CADPS2: variants seen among roughly 807,000 people sequenced by gnomAD.
CADPS2 encodes calcium-dependent secretion activator 2.
Under a neutral mutation model 172.5 loss-of-function variants are expected in CADPS2, and 93 were observed. The observed-to-expected ratio is 0.54, with a 90% CI of 0.46 to 0.64. CADPS2 has a LOEUF of 0.64. Among genes scored for constraint, CADPS2 ranks in the 30% least tolerant of loss-of-function variants. The probability of loss-of-function intolerance (pLI) is 0.00; values close to 1 mark genes in which losing one functional copy is unlikely to be tolerated. For missense variants in CADPS2, 1,420 were observed against 1,565.9 expected, an observed-to-expected ratio of 0.91 and a Z score of 1.57; for synonymous variants, 546 against 555.2, an observed-to-expected ratio of 0.98 and a Z score of 0.23.
chr7:122,715,159 C>T (rs1446702808), intron 2 of CADPS2, among the ~76,000 whole-genome samples: 2 of 152,124 alleles, frequency 1.3e-5, no homozygotes, highest in Admixed American at 6.6e-5. Context: ...TTTAAGTTTC[C>T]TATTCTTTGA....
chr7:122,858,642 GAAC>G (rs1302816712), intron 1 of CADPS2, among the ~76,000 whole-genome samples: 10 of 152,072 alleles, frequency 6.6e-5, no homozygotes, highest in Middle Eastern at 3.2e-3. Context: ...ATTCTCTAAA[GAAC>G]AACATCTCAG....
At chr7:122,663,685 C>G (rs974789560) in intron 2 of CADPS2, 116 bp from the exon 3 acceptor site, 4 of 725,020 alleles carry the variant, frequency 5.5e-6, no homozygotes, top group Middle Eastern at 2.5e-4. Flanking sequence ...CAGCCAAATA[C>G]TCCACAATGA....
chr7:122,642,548 CTTTTT>C (rs10717947), intron 3 of CADPS2, among the ~76,000 whole-genome samples: 13 of 146,170 alleles, frequency 8.9e-5, no homozygotes, highest in African/African-American at 2.0e-4. Flanking sequence ...CACCCAACAG[CTTTTT>C]TTTTTTTTTT....
chr7:122,662,092 A>G (rs2080619123), intron 3 of CADPS2, among the ~76,000 whole-genome samples: 3 of 152,222 alleles, frequency 2.0e-5, no homozygotes, highest in Admixed American at 2.0e-4. Context: ...CAAATTACCA[A>G]TGCAAAGTAA....
intron 8 of CADPS2, among the ~76,000 whole-genome samples, chr7:122,518,712 G>T (rs2060560493): frequency 6.6e-6 from 1 of 151,620 alleles, no homozygotes; most frequent in Admixed American, 6.6e-5. Flanking sequence ...TTTTTTTAAG[G>T]GTATGTAAAT....
rs796988558 is a variant in CADPS2, at chr7:122,645,681, A to ATATATATATATCTCTC, written c.787-16354_787-16353insGAGAGATATATATATA. On this transcript the variant is annotated intron_variant, in intron 3 of 29. Coordinates refer to ENST00000449022, the MANE Select transcript of CADPS2 (RefSeq NM_017954.11). Reference sequence around the variant, plus strand: ...AAGATATATATATATATATATATATATCTTGGGATTTTGCTCTTAGTTAGA... The same window carrying ATATATATATATCTCTC: ...AAGATATATATATATATATATATATATATATATATATCTCTCTCTTGGGATTTTGCTCTTAGTTAGA... Among the ~76,000 whole-genome samples the ATATATATATATCTCTC allele has an allele frequency of 1.6e-4, 19 of 116,834 alleles. 1 individual carries two copies. The East Asian group carries it at 3.2e-3, about 19-fold the overall frequency. The allele number at this position is 116,834 out of a possible 152,430, so 76.6% of individuals were successfully genotyped here. A position where few individuals can be genotyped will look rare whatever the true frequency, so the allele number is the denominator to read the frequency against.
intron 27 of CADPS2, among the ~76,000 whole-genome samples, chr7:122,358,071 C>T (rs2039649936): frequency 6.6e-6 from 1 of 152,140 alleles, no homozygotes; most frequent in African/African-American, 2.4e-5. Context: ...TCCAAAGTAG[C>T]TGTAGCATTC....
At chr7:122,644,618 C>T (rs2078099149) in intron 3 of CADPS2, among the ~76,000 whole-genome samples, 1 of 152,116 alleles carries the variant, frequency 6.6e-6, no homozygotes, top group South Asian at 2.1e-4. Context: ...CTCCAATATC[C>T]CCTCTGTGTT....
At chr7:122,589,079 A>G (rs2070288911) in intron 6 of CADPS2, among the ~76,000 whole-genome samples, 1 of 151,982 alleles carries the variant, frequency 6.6e-6, no homozygotes, top group Admixed American at 6.6e-5. Flanking sequence ...TTCATTAAAG[A>G]AATCTGTATG....
At chr7:122,440,500 C>A (rs2051206545) in intron 16 of CADPS2, 1 of 152,132 alleles carries the variant, frequency 6.6e-6, no homozygotes. Flanking sequence ...ATCACACAAT[C>A]CACAACAATC....
chr7:122,424,219 C>A (rs1043999535), intron 17 of CADPS2: 2 of 495,656 alleles, frequency 4.0e-6, no homozygotes, highest in African/African-American at 4.2e-5. Context: ...AATGACCCTG[C>A]CATTTAAAGT....
intron 9 of CADPS2, among the ~76,000 whole-genome samples, chr7:122,509,168 G>A (rs1056637101): frequency 2.0e-5 from 3 of 152,140 alleles, no homozygotes; most frequent in African/African-American, 7.2e-5. Flanking sequence ...GGAGTCTGCT[G>A]TAATGGGTCC....
At chr7:122,639,995 T>C (rs2077441544) in intron 3 of CADPS2, among the ~76,000 whole-genome samples, 1 of 152,224 alleles carries the variant, frequency 6.6e-6, no homozygotes, top group Non-Finnish European at 1.5e-5. Flanking sequence ...TTTCAGCTTA[T>C]GTGAAGACAA....
intron 6 of CADPS2, among the ~76,000 whole-genome samples, chr7:122,583,366 CT>C (rs765904952): frequency 6.6e-6 from 1 of 151,814 alleles, no homozygotes; most frequent in Admixed American, 6.6e-5. Flanking sequence ...TTGTGTGCCC[CT>C]GGTCTCATCT....
At chr7:122,544,442 C>T (rs574173356) in intron 8 of CADPS2, among the ~76,000 whole-genome samples, 3 of 152,060 alleles carry the variant, frequency 2.0e-5, no homozygotes, top group Non-Finnish European at 2.9e-5. Context: ...AAAACGACAA[C>T]GATTTATTAT....
intron 5 of CADPS2, among the ~76,000 whole-genome samples, chr7:122,620,478 A>G (rs566021243): frequency 1.3e-5 from 2 of 152,280 alleles, no homozygotes; most frequent in East Asian, 1.9e-4. Context: ...ATATAACTAG[A>G]TAAGCCCACA....
At chr7:122,361,516 G>A (rs1441125031) in intron 25 of CADPS2, among the ~76,000 whole-genome samples, 1 of 151,948 alleles carries the variant, frequency 6.6e-6, no homozygotes, top group Non-Finnish European at 1.5e-5. Context: ...ACAGGTGTGA[G>A]CCACCGTGTC....
At chr7:122,421,380 A>T (rs1412527522) in intron 17 of CADPS2, among the ~76,000 whole-genome samples, 1 of 152,212 alleles carries the variant, frequency 6.6e-6, no homozygotes, top group African/African-American at 2.4e-5. Context: ...AGTGTTGAAG[A>T]TGGTGTTAGA....
At chr7:122,748,591 T>C (rs1330102626) in intron 1 of CADPS2, among the ~76,000 whole-genome samples, 1 of 151,986 alleles carries the variant, frequency 6.6e-6, no homozygotes, top group African/African-American at 2.4e-5. Context: ...AAGAAGAAAA[T>C]ATGACATAAA....
Sources: allele counts gnomAD v4.1 joint callset (sites outside exome capture counted in the v4.1 genomes callset), GRCh38; gene constraint gnomAD v4.1.1; transcripts MANE v1.5; gene names NCBI Gene and HGNC (gene_info 2026-07-23, HGNC 2026-07-21).